EXOC4: variants seen among roughly 807,000 people sequenced by gnomAD.
EXOC4 encodes the protein SEC8-like 1.
In EXOC4, 71 loss-of-function variants were observed where a neutral mutation model predicts 107.2. That is an observed-to-expected ratio of 0.66 (90% confidence interval 0.55 to 0.81). The LOEUF is 0.81. EXOC4 is among the 30% of genes least tolerant of loss of function. The pLI, the probability that EXOC4 is intolerant of heterozygous loss-of-function variation, is 0.00. For synonymous variants in EXOC4, 456 were observed against 441.2 expected (o/e 1.03, Z -0.42); for missense variants, 1,108 against 1,189.6 (o/e 0.93, Z 1.01).
chr7:133,933,916 G>A (rs146488964), intron 13 of EXOC4, among the ~76,000 whole-genome samples: 3 of 152,298 alleles, frequency 2.0e-5, no homozygotes, highest in African/African-American at 7.2e-5. Context: ...CATATGGACA[G>A]TATAGAAAAG....
intron 10 of EXOC4, among the ~76,000 whole-genome samples, chr7:133,640,861 T>C (rs1447227549): frequency 3.1e-4 from 1 of 3,276 alleles, no homozygotes. Flanking sequence ...ATCGACATTC[T>C]CTCTCTCTCT....
chr7:133,875,349 A>T (rs1177832359), intron 11 of EXOC4, among the ~76,000 whole-genome samples: 1 of 152,240 alleles, frequency 6.6e-6, no homozygotes, highest in African/African-American at 2.4e-5. Context: ...AAATAATTTC[A>T]GAAAGATAAG....
intron 14 of EXOC4, among the ~76,000 whole-genome samples, chr7:133,953,334 A>G (rs1403269876): frequency 1.3e-5 from 2 of 152,132 alleles, no homozygotes; most frequent in Non-Finnish European, 2.9e-5. Context: ...GCAGTGGCTC[A>G]TGCCTGTAAT....
chr7:133,400,091 A>G (rs1369049122), intron 7 of EXOC4, among the ~76,000 whole-genome samples: 1 of 152,228 alleles, frequency 6.6e-6, no homozygotes, highest in Non-Finnish European at 1.5e-5. Context: ...CTGCGGGGGC[A>G]GGAGTTAGTG....
At chr7:133,763,719 G>C (rs1796080599) in intron 10 of EXOC4, among the ~76,000 whole-genome samples, 1 of 151,206 alleles carries the variant, frequency 6.6e-6, no homozygotes, top group Non-Finnish European at 1.5e-5. Context: ...AAAAAAGATT[G>C]CAACAGCAAA....
At chr7:133,654,676 T>C (rs1803244684) in intron 10 of EXOC4, among the ~76,000 whole-genome samples, 1 of 152,164 alleles carries the variant, frequency 6.6e-6, no homozygotes, top group African/African-American at 2.4e-5. Context: ...TGCTCAGGCG[T>C]CATTCATAAT....
chr7:133,606,779 G>C (rs1446900270), intron 9 of EXOC4, among the ~76,000 whole-genome samples: 1 of 152,040 alleles, frequency 6.6e-6, no homozygotes, highest in African/African-American at 2.4e-5. Context: ...GCCTCCCAAA[G>C]TGCTAGGATT....
At chr7:133,676,996 A>T (rs2151064002) in intron 10 of EXOC4, among the ~76,000 whole-genome samples, 1 of 148,448 alleles carries the variant, frequency 6.7e-6, no homozygotes, top group Admixed American at 6.7e-5. Context: ...AAAGTGATGA[A>T]TCACCAAGGC....
chr7:133,755,559 T>G (rs1795898768), intron 10 of EXOC4, among the ~76,000 whole-genome samples: 1 of 151,170 alleles, frequency 6.6e-6, no homozygotes, highest in Admixed American at 6.6e-5. Flanking sequence ...GGCCAGGATG[T>G]TCTCGATATC....
intron 17 of EXOC4, chr7:134,009,920 C>T (rs1351987331): frequency 6.6e-6 from 1 of 152,084 alleles, no homozygotes; most frequent in African/African-American, 2.4e-5. Context: ...GGTCATGTGC[C>T]GATGAAGCAT....
intron 14 of EXOC4, among the ~76,000 whole-genome samples, chr7:133,956,982 A>ATT (rs879607959): frequency 1.2e-4 from 18 of 147,766 alleles, no homozygotes; most frequent in African/African-American, 4.2e-4. Flanking sequence ...AATACCATTG[A>ATT]TTTTTTTTTT....
chr7:133,461,455 A>AT (rs1054957613), intron 7 of EXOC4, among the ~76,000 whole-genome samples: 1 of 152,172 alleles, frequency 6.6e-6, no homozygotes, highest in Non-Finnish European at 1.5e-5. Flanking sequence ...ATAGGCAAAT[A>AT]TTTTTTTATA....
At chr7:133,285,880 C>T in intron 2 of EXOC4, among the ~76,000 whole-genome samples, 1 of 151,900 alleles carries the variant, frequency 6.6e-6, no homozygotes, top group Admixed American at 6.6e-5. Flanking sequence ...CTGACTCAGC[C>T]TCTTGAATAG....
At chr7:133,272,016 G>A (rs893113551) in intron 1 of EXOC4, among the ~76,000 whole-genome samples, 14 of 152,028 alleles carry the variant, frequency 9.2e-5, no homozygotes, top group African/African-American at 2.9e-4. Flanking sequence ...ATGGAAAAAC[G>A]CTACTGTCTT....
chr7:133,499,858 G>A (rs915252342), intron 9 of EXOC4, among the ~76,000 whole-genome samples: 3 of 152,062 alleles, frequency 2.0e-5, no homozygotes, highest in African/African-American at 7.2e-5. Context: ...AGCAGAAGCC[G>A]CTATGCTTCC....
chr7:133,516,204 C>A (rs1245350671), intron 9 of EXOC4, among the ~76,000 whole-genome samples: 3 of 152,160 alleles, frequency 2.0e-5, no homozygotes, highest in Admixed American at 1.3e-4. Context: ...TATGGAAATA[C>A]AATTCACATA....
rs970391276 is a variant in EXOC4, at chr7:133,370,709, C to T, written c.1008-4119C>T. On this transcript the variant is annotated intron_variant, in intron 6 of 17. Coordinates refer to ENST00000253861, the MANE Select transcript of EXOC4 (RefSeq NM_021807.4). Reference sequence around the variant, plus strand: ...CCCTTTGGCTTAGTGATTTTGGGGTCGCAAGATTTATTTTCCTTTCACACA... The same window carrying T: ...CCCTTTGGCTTAGTGATTTTGGGGTTGCAAGATTTATTTTCCTTTCACACA... 1.3e-5 allele frequency among the ~76,000 whole-genome samples: 2 copies of T among 152,086 alleles called. 1 individual carries two copies. Among genetic ancestry groups the T allele is most frequent in the African/African-American group, 4.8e-5 (2 of 41,386 alleles).
intron 17 of EXOC4, among the ~76,000 whole-genome samples, chr7:134,059,236 C>T (rs561592155): frequency 6.6e-6 from 1 of 152,202 alleles, no homozygotes; most frequent in South Asian, 2.1e-4. Flanking sequence ...CCTCAATTTG[C>T]AAAGAAGGGA....
At chr7:133,931,420 A>T (rs1217693589) in intron 13 of EXOC4, among the ~76,000 whole-genome samples, 1 of 152,222 alleles carries the variant, frequency 6.6e-6, no homozygotes, top group Non-Finnish European at 1.5e-5. Flanking sequence ...ACAAAGACTT[A>T]ATTGTTTGCC....
Sources: allele counts gnomAD v4.1 joint callset (sites outside exome capture counted in the v4.1 genomes callset), GRCh38; gene constraint gnomAD v4.1.1; transcripts MANE v1.5; gene names NCBI Gene and HGNC (gene_info 2026-07-23, HGNC 2026-07-21).